The following CAPN11 variants were observed in gnomAD, a reference collection of about 807,000 sequenced individuals.
CAPN11 encodes the protein calpain-11.
In CAPN11, 108 loss-of-function variants were observed where a neutral mutation model predicts 105.3. The observed-to-expected ratio is 1.03, with a 90% CI of 0.88 to 1.20. CAPN11 has a LOEUF of 1.20. Among genes scored for constraint, CAPN11 ranks in the 50% most tolerant of loss-of-function variants. CAPN11 has a pLI of 0.00. For synonymous variants in CAPN11, 329 were observed against 344.5 expected (o/e 0.96, Z 0.50); for missense variants, 883 against 924.8 (o/e 0.95, Z 0.59).
chr6:44,176,013 AG>A, intron 7 of CAPN11, 54 bp from the exon 8 acceptor site: 1 of 1,237,248 alleles, frequency 8.1e-7, no homozygotes. Context: ...TGCCCAGTCC[AG>A]GTCCTCCATG....
intron 1 of CAPN11, 77 bp from the exon 2 acceptor site, chr6:44,166,681 C>T (rs1241968385): frequency 9.3e-7 from 1 of 1,079,490 alleles, no homozygotes; most frequent in Non-Finnish European, 1.4e-6. Flanking sequence ...AATCTTCCTA[C>T]ACCCCAGCCC....
Position 44,176,888 on chromosome 6 carries a change from A to T in CAPN11, c.1127A>T (p.Asn376Ile), listed in dbSNP as rs762739848. The T allele has an allele frequency of 3.1e-6, 5 of 1,613,750 alleles. No homozygotes were observed. In the East Asian group the frequency reaches 1.1e-4, roughly 36 times the overall value. The change falls in exon 11 of 23, where the codon AAC becomes ATC. Residue 376 changes from asparagine (N) to isoleucine (I), a missense_variant. By Grantham distance (149) the Asn-to-Ile change is moderately radical (BLOSUM62 -3). Coordinates refer to ENST00000398776, the MANE Select transcript of CAPN11 (RefSeq NM_007058.4). ...AACTTCACGCTCCTGGAGATCTGCA[A>T]CCTCACGCCTGATACACTCTCTGGG... ...LNNFTLLEICNLTPDTLSGDY... is the reference protein window; with the variant it reads ...LNNFTLLEICILTPDTLSGDY...
chr6:44,177,332 C>A lies in CAPN11; in HGVS notation c.1328C>A (p.Thr443Asn), dbSNP rs777539515. 1 of 1,613,834 alleles carries A rather than the reference C, an allele frequency of 6.2e-7. No homozygotes were observed. Among genetic ancestry groups the A allele is most frequent in the Non-Finnish European group, 8.5e-7 (1 of 1,179,860 alleles). Residue 443 changes from threonine (T) to asparagine (N), a missense_variant, in exon 12 of 23, where the codon ACC becomes AAC. Physicochemically the swap from Thr to Asn is moderately conservative, Grantham distance 65. Transcript: ENST00000398776. ...GCAGAGGGCAATGTTGTGGTCTGCACCTGCCTGGTGGCCCTAATGCAGAAG... is the reference window on the plus strand; with the variant it reads ...GCAGAGGGCAATGTTGTGGTCTGCAACTGCCTGGTGGCCCTAATGCAGAAG... ...DDAEGNVVVC[T>N]CLVALMQKNW...
chr6:44,184,171 T>G lies in CAPN11; in HGVS notation c.*239T>G. 2 of 581,722 alleles carry G rather than the reference T, an allele frequency of 3.4e-6. No individual in the cohort carries two copies. The highest frequency in any genetic ancestry group is 4.3e-5 in the South Asian group (2 of 46,930). The allele number at this position is 581,722 out of a possible 1,614,324, so 36.0% of individuals were successfully genotyped here. ...CCAACCCGGCTTCTGATGGCTGGCT[T>G]TCCCCCACCATCGCTCTCTCAGAGT... On this transcript the variant is annotated 3_prime_UTR_variant, in exon 23 of 23. Coordinates refer to ENST00000398776, the MANE Select transcript of CAPN11 (RefSeq NM_007058.4).
rs1186822343 is a variant in CAPN11, at chr6:44,182,927, G to A, written c.1939-14G>A. On this transcript the variant is annotated splice_polypyrimidine_tract_variant and intron_variant, in intron 19 of 22. Coordinates refer to ENST00000398776, the MANE Select transcript of CAPN11 (RefSeq NM_007058.4). ...CCATGCATGTGGCCCTACCATATCT[G>A]TCTGTCTCTTCAGGACATCTTCAGA... 2 of 1,590,572 alleles carry A rather than the reference G, an allele frequency of 1.3e-6. No individual in the cohort carries two copies. Among genetic ancestry groups the A allele is most frequent in the South Asian group, 1.1e-5 (1 of 88,976 alleles).
At position 44,176,606 on chromosome 6, in the gene CAPN11, T is replaced by G; in HGVS notation, c.1027T>G (p.Ser343Ala). 1 of 1,611,344 alleles carries G rather than the reference T, an allele frequency of 6.2e-7. No individual in the cohort carries two copies. Residue 343 changes from serine to alanine, a missense_variant, in exon 10 of 23, where the codon TCA becomes GCA. By Grantham distance (99) the Ser-to-Ala change is moderately conservative. Coordinates refer to ENST00000398776, the MANE Select transcript of CAPN11 (RefSeq NM_007058.4). ...DSAREWEEVA[S>A]DIQMQLLHKT... ...TGCCAGGGAGTGGGAAGAGGTGGCCTCAGACATCCAGATGCAGCTGCTGCA... is the reference window on the plus strand; with the variant it reads ...TGCCAGGGAGTGGGAAGAGGTGGCCGCAGACATCCAGATGCAGCTGCTGCA...
intron 18 of CAPN11, 87 bp from the exon 19 acceptor site, chr6:44,181,165 G>T: frequency 7.7e-7 from 1 of 1,303,006 alleles, no homozygotes; most frequent in East Asian, 2.3e-5. Flanking sequence ...CCCAGGGCTT[G>T]TGTGTCCCCT....
chr6:44,179,921 A>G (rs371466618), intron 13 of CAPN11, 31 bp from the exon 14 acceptor site: 67 of 1,529,540 alleles, frequency 4.4e-5, no homozygotes, highest in Non-Finnish European at 6.1e-5. Context: ...CTCCCATGCC[A>G]GTCCTGTACC....
intron 4 of CAPN11, among the ~76,000 whole-genome samples, chr6:44,171,665 T>A (rs998767699): frequency 6.9e-6 from 1 of 144,454 alleles, no homozygotes; most frequent in Non-Finnish European, 1.5e-5. Flanking sequence ...CTGTCTCTAC[T>A]TATATATAAA....
chr6:44,167,771 A>G (rs529690451), intron 2 of CAPN11, among the ~76,000 whole-genome samples: 65 of 150,292 alleles, frequency 4.3e-4, no homozygotes, highest in African/African-American at 1.6e-3. Flanking sequence ...AAAAAATCAG[A>G]CAGGCATGGT....
chr6:44,172,184 C>G (rs1048298170), intron 4 of CAPN11, 118 bp from the exon 5 acceptor site: 3 of 596,594 alleles, frequency 5.0e-6, no homozygotes, highest in South Asian at 2.3e-5. Context: ...GCCTCTCCGC[C>G]GGGGGGGTGA....
intron 3 of CAPN11, 93 bp downstream of exon 3, chr6:44,169,624 C>G (rs903239093): frequency 7.6e-7 from 1 of 1,307,758 alleles, no homozygotes; most frequent in African/African-American, 1.5e-5. Context: ...TTCAACCCCC[C>G]ACTACCCCAT....
At chr6:44,170,091 G>C (rs567897947) in intron 4 of CAPN11, 116 bp downstream of exon 4, 9 of 751,890 alleles carry the variant, frequency 1.2e-5, no homozygotes, top group African/African-American at 5.2e-5. Flanking sequence ...GCCTGCTTCT[G>C]TTCCCCTGTC....
At chr6:44,169,633 A>C in intron 3 of CAPN11, 102 bp downstream of exon 3, 1 of 1,250,442 alleles carries the variant, frequency 8.0e-7, no homozygotes, top group Non-Finnish European at 1.1e-6. Flanking sequence ...CCACTACCCC[A>C]TTCTGACCCT....
Position 44,183,204 on chromosome 6 carries a change from C to T in CAPN11, c.2103C>T (p.Ile701=). The T allele has an allele frequency of 6.2e-7, 1 of 1,611,488 alleles. No individual in the cohort carries two copies. Residue 701 remains isoleucine, a synonymous_variant, in exon 21 of 23, where the codon ATC becomes ATT. Transcript: ENST00000398776. ...TGATCATAGACTTTGACAGCTTCAT[C>T]AGCTGTTTCCTGAGGCTAAAGACCA... is the stretch of plus-strand genomic sequence containing the variant. ...DDLIIDFDSF[I]SCFLRLKTMF...
At chr6:44,165,645 G>A (rs528471641) in intron 1 of CAPN11, among the ~76,000 whole-genome samples, 1 of 152,288 alleles carries the variant, frequency 6.6e-6, no homozygotes, top group South Asian at 2.1e-4. Context: ...CTGCTGGAGG[G>A]ACTGTCTCTC....
chr6:44,167,556 A>T (rs751427671), intron 2 of CAPN11, among the ~76,000 whole-genome samples: 6 of 26,814 alleles, frequency 2.2e-4, no homozygotes, highest in Non-Finnish European at 5.2e-4. Flanking sequence ...GGAGGCCATT[A>T]AAAAAAAAAA....
In CAPN11 at chr6:44,175,675, T is replaced by G. The variant is rs867850471; in HGVS notation, c.832-393T>G. 6.7e-4 allele frequency among the ~76,000 whole-genome samples: 101 copies of G among 150,712 alleles called. 1 individual carries two copies. The highest frequency in any genetic ancestry group is 2.1e-3 in the African/African-American group (87 of 40,888). On this transcript the variant is annotated intron_variant, in intron 7 of 22. Coordinates refer to ENST00000398776, the MANE Select transcript of CAPN11 (RefSeq NM_007058.4). ...GCCTGTAATCCCAGCTACTTGGGAG[T>G]CTGAGGCAGGAGAATCCCTTGAACC...
chr6:44,172,790 G>A (rs1324628240), intron 5 of CAPN11, 150 bp from the exon 6 acceptor site: 6 of 864,090 alleles, frequency 6.9e-6, no homozygotes, highest in Admixed American at 2.9e-5. Context: ...AGGAGGCGGG[G>A]CCGGGCTCAG....
Sources: gnomAD v4.1 joint callset for allele counts (sites outside exome capture counted in the v4.1 genomes callset) on GRCh38, gnomAD v4.1.1 for gene constraint, MANE v1.5 for transcripts, NCBI Gene and HGNC (gene_info 2026-07-23, HGNC 2026-07-21) for gene names.